The following HIBCH variants were observed in gnomAD, a reference collection of about 807,000 sequenced individuals.
HIBCH encodes the protein 3-hydroxyisobutyryl-CoA hydrolase.
In HIBCH, 50 loss-of-function variants were observed where a neutral mutation model predicts 58.2. The ratio of observed to expected loss-of-function variants is 0.86; its 90% CI spans 0.68 to 1.09. HIBCH has a LOEUF of 1.09. Among genes scored for constraint, HIBCH ranks in the 50% least tolerant of loss-of-function variants. The pLI, the probability that HIBCH is intolerant of heterozygous loss-of-function variation, is 0.00. For missense variants in HIBCH, 450 were observed against 449.7 expected (o/e 1.00, Z -0.01); for synonymous variants, 151 against 146.9 (o/e 1.03, Z -0.20).
intron 11 of HIBCH, among the ~76,000 whole-genome samples, chr2:190,239,647 G>GTTTTTTTTTTTTTT: frequency 7.8e-6 from 1 of 127,524 alleles, no homozygotes; most frequent in African/African-American, 3.0e-5. Context: ...GTGGTTTGTA[G>GTTTTTTTTTTTTTT]TTTTTTTTTT....
In HIBCH at chr2:190,319,774, C is replaced by CA. The variant is rs2124887368; in HGVS notation, c.-25dup. 7 of 1,607,900 alleles carry CA rather than the reference C, an allele frequency of 4.4e-6. No homozygotes were observed. In the East Asian group the frequency reaches 1.3e-4, roughly 31 times the overall value. Reference sequence around the variant, plus strand: ...ATCGCCAAACACTCCGAAGCTAAAGCAGCAGAGCGAGAATCTCCCGGACCG... The same window carrying CA: ...ATCGCCAAACACTCCGAAGCTAAAGCAAGCAGAGCGAGAATCTCCCGGACCG... On this transcript the variant is annotated 5_prime_UTR_variant, in exon 1 of 14. Coordinates refer to ENST00000359678, the MANE Select transcript of HIBCH (RefSeq NM_014362.4).
chr2:190,317,319 T>C (rs1344324220), intron 1 of HIBCH, among the ~76,000 whole-genome samples: 1 of 152,220 alleles, frequency 6.6e-6, no homozygotes, highest in African/African-American at 2.4e-5. Flanking sequence ...ATTACTTTTG[T>C]CTAATTATGT....
chr2:190,208,667 GA>G (rs1690450124), intron 13 of HIBCH: 2 of 507,404 alleles, frequency 3.9e-6, no homozygotes, highest in Admixed American at 3.5e-5. Flanking sequence ...TTTCAGGTTT[GA>G]TTTTTTTTTT....
chr2:190,317,122 T>C (rs906584656), intron 1 of HIBCH, among the ~76,000 whole-genome samples: 3 of 152,168 alleles, frequency 2.0e-5, no homozygotes, highest in Non-Finnish European at 4.4e-5. Context: ...GGTCTTGCTA[T>C]GTTGCCCAGG....
chr2:190,192,139 G>A (rs138460207), intron 1 of HIBCH, among the ~76,000 whole-genome samples: 1 of 151,950 alleles, frequency 6.6e-6, no homozygotes, highest in Non-Finnish European at 1.5e-5. Context: ...AAAGTATAAG[G>A]TATAAGTAGA....
At chr2:190,213,150 AT>A in intron 11 of HIBCH, 75 bp from the exon 12 acceptor site, 5 of 1,169,792 alleles carry the variant, frequency 4.3e-6, no homozygotes, top group Non-Finnish European at 6.4e-6. Context: ...CAGAGTGTCT[AT>A]GTAAATAATA....
At chr2:190,250,574 T>C in intron 8 of HIBCH, 1 of 247,992 alleles carries the variant, frequency 4.0e-6, no homozygotes, top group Non-Finnish European at 8.3e-6. Context: ...TAAATTCCAC[T>C]GTAATCAAGG....
intron 2 of HIBCH, among the ~76,000 whole-genome samples, chr2:190,303,269 T>C (rs916272513): frequency 6.6e-5 from 10 of 152,116 alleles, no homozygotes; most frequent in African/African-American, 2.2e-4. Flanking sequence ...GAGAAAGCCA[T>C]GACACTCAGC....
At position 190,319,751 on chromosome 2, in the gene HIBCH, C is replaced by A; in HGVS notation, c.-1G>T. The A allele has an allele frequency of 4.3e-6, 7 of 1,611,888 alleles. No individual in the cohort carries two copies. The highest frequency in any genetic ancestry group is 5.9e-6 in the Non-Finnish European group (7 of 1,179,174). ...GCCTCCACATCTCGCGCTGCCCCAT[C>A]GCCAAACACTCCGAAGCTAAAGCAG... On this transcript the variant is annotated 5_prime_UTR_variant, in exon 1 of 14. Coordinates refer to ENST00000359678, the MANE Select transcript of HIBCH (RefSeq NM_014362.4).
chr2:190,285,124 T>C (rs949253790), intron 6 of HIBCH, among the ~76,000 whole-genome samples: 5 of 152,230 alleles, frequency 3.3e-5, no homozygotes, highest in African/African-American at 1.2e-4. Context: ...CTTTCTAATC[T>C]ACTGCCATTA....
chr2:190,258,114 T>A (rs291411), intron 7 of HIBCH, among the ~76,000 whole-genome samples: 38,954 of 151,914 alleles, frequency 0.26, 5,290 homozygotes, highest in East Asian at 0.45. Flanking sequence ...ATTTCCCCCT[T>A]GCTGTTCTCA....
At chr2:190,198,332 G>A (rs1415681495) in intron 1 of HIBCH, among the ~76,000 whole-genome samples, 2 of 152,128 alleles carry the variant, frequency 1.3e-5, no homozygotes, top group African/African-American at 2.4e-5. Flanking sequence ...ATGCACGCAA[G>A]CTTTTGCCTT....
intron 6 of HIBCH, among the ~76,000 whole-genome samples, chr2:190,269,081 C>G (rs1318512287): frequency 6.6e-6 from 1 of 152,124 alleles, no homozygotes; most frequent in African/African-American, 2.4e-5. Flanking sequence ...CAAAAATTAA[C>G]TTAAGATGGA....
At chr2:190,241,615 C>T (rs1249342450) in intron 11 of HIBCH, among the ~76,000 whole-genome samples, 1 of 152,058 alleles carries the variant, frequency 6.6e-6, no homozygotes, top group Middle Eastern at 3.2e-3. Context: ...CTTTCCTTTC[C>T]ATATTTAGTG....
At chr2:190,314,320 T>TAC (rs200549435) in intron 1 of HIBCH, among the ~76,000 whole-genome samples, 72,783 of 109,544 alleles carry the variant, frequency 0.66, 20,910 homozygotes, top group South Asian at 0.73. Context: ...TGTATATATA[T>TAC]GTATATATGT....
rs1311736203 is a variant in HIBCH at position 190,296,928 on chromosome 2, G to A, written c.104C>T (p.Ala35Val). 1 of 1,613,890 alleles carries A rather than the reference G, an allele frequency of 6.2e-7. No homozygotes were observed. The highest frequency in any genetic ancestry group is 8.5e-7 in the Non-Finnish European group (1 of 1,179,966). Residue 35 changes from alanine (A) to valine (V), a missense_variant, in exon 3 of 14, where the codon GCA (alanine) becomes GTA (valine). By Grantham distance (64) the Ala-to-Val change is moderately conservative (BLOSUM62 0). Coordinates refer to ENST00000359678, the MANE Select transcript of HIBCH (RefSeq NM_014362.4). ...TTTTTTTTCCAATAGCACCTCTTCT[G>A]CTGCATCTGTGTGCTTGGACATTCT... The part of the protein sequence containing the change: ...HLRMSKHTDA[A>V]EEVLLEKKGC...
At chr2:190,291,774 TTCC>T (rs1200709287) in intron 4 of HIBCH, among the ~76,000 whole-genome samples, 12 of 152,180 alleles carry the variant, frequency 7.9e-5, no homozygotes, top group Admixed American at 7.9e-4. Flanking sequence ...TCCTACCATA[TTCC>T]TCCTCCAGTC....
intron 1 of HIBCH, among the ~76,000 whole-genome samples, chr2:190,314,348 T>C (rs79372480): frequency 1.2e-3 from 36 of 30,204 alleles, no homozygotes; most frequent in African/African-American, 2.6e-3. Flanking sequence ...CATATATATG[T>C]GTATATATAC....
At chr2:190,227,784 C>T (rs1027794663) in intron 11 of HIBCH, among the ~76,000 whole-genome samples, 3 of 152,174 alleles carry the variant, frequency 2.0e-5, no homozygotes, top group Non-Finnish European at 2.9e-5. Flanking sequence ...GACATTTATG[C>T]AGCCAACAGA....
Sources: allele counts gnomAD v4.1 joint callset (sites outside exome capture counted in the v4.1 genomes callset), GRCh38; gene constraint gnomAD v4.1.1; transcripts MANE v1.5; gene names NCBI Gene and HGNC (gene_info 2026-07-23, HGNC 2026-07-21).